Variants in FIGNL2 observed in about 807,000 individuals in gnomAD.
FIGNL2 encodes fidgetin-like protein 2.
For missense variants in FIGNL2, 1,060 were observed against 950.2 expected (o/e 1.12, Z -1.52); for synonymous variants, 565 against 484.0 (o/e 1.17, Z -2.20).
chr12:51,828,402 G>C (rs1939388485), intron 1 of FIGNL2: 1 of 152,200 alleles, frequency 6.6e-6, no homozygotes, highest in African/African-American at 2.4e-5. Context: ...GTGAAGTGCT[G>C]CTGTGCACAT....
chr12:51,836,686 C>T (rs1334328075), intron 1 of FIGNL2, among the ~76,000 whole-genome samples: 1 of 152,178 alleles, frequency 6.6e-6, no homozygotes, highest in Non-Finnish European at 1.5e-5. Context: ...ATCCATTCAA[C>T]ACACATTGAA....
At chr12:51,844,419 G>T (rs902778352) in intron 1 of FIGNL2, among the ~76,000 whole-genome samples, 6 of 152,124 alleles carry the variant, frequency 3.9e-5, no homozygotes, top group Non-Finnish European at 7.4e-5. Context: ...GCACTCAGGG[G>T]GTTCGCACTG....
In FIGNL2 at chr12:51,822,375, C is replaced by A. The variant is rs760654286; in HGVS notation, c.39G>T (p.Gln13His). 6.2e-7 allele frequency: 1 copy of A among 1,613,724 alleles called. No homozygotes were observed. Among genetic ancestry groups the A allele is most frequent in the African/African-American group, 1.3e-5 (1 of 75,050 alleles). ...WTPEHAQPLN[Q>H]WPEQHLDVSS... ...AGACGTCCAGGTGCTGCTCTGGCCA[C>A]TGGTTGAGGGGCTGGGCGTGTTCTG... Residue 13 changes from glutamine (Q) to histidine (H), a missense_variant, in exon 2 of 2, where the codon CAG (glutamine) becomes CAT (histidine). Physicochemically the swap from Gln to His is conservative, Grantham distance 24 (BLOSUM62 0). Transcript: ENST00000618634.
chr12:51,831,706 C>A (rs1939473162), intron 1 of FIGNL2: 1 of 154,380 alleles, frequency 6.5e-6, no homozygotes, highest in Non-Finnish European at 1.5e-5. Flanking sequence ...GTGCACTGAT[C>A]CCACCCTCTT....
At chr12:51,839,378 T>C (rs571966798) in intron 1 of FIGNL2, among the ~76,000 whole-genome samples, 6 of 152,308 alleles carry the variant, frequency 3.9e-5, no homozygotes, top group African/African-American at 1.4e-4. Context: ...TCCACTCATC[T>C]AGCTGGCCAT....
chr12:51,841,584 C>G (rs927194531), intron 1 of FIGNL2: 3 of 152,238 alleles, frequency 2.0e-5, no homozygotes, highest in Admixed American at 2.0e-4. Flanking sequence ...CCCCAGCCCT[C>G]CTTTCTTGAA....
intron 1 of FIGNL2, among the ~76,000 whole-genome samples, chr12:51,835,802 CTTCT>C (rs1316450454): frequency 2.3e-5 from 3 of 130,620 alleles, no homozygotes; most frequent in Non-Finnish European, 3.4e-5. Context: ...CGGATCTAGA[CTTCT>C]TTTTTTTTTT....
Position 51,821,581 on chromosome 12 carries a change from T to C in FIGNL2, c.833A>G (p.Tyr278Cys). The change falls in exon 2 of 2, where the codon TAC (tyrosine) becomes TGC (cysteine). Residue 278 changes from tyrosine (Y) to cysteine (C), a missense_variant. By Grantham distance (194) the Tyr-to-Cys change is radical. Transcript: ENST00000618634. ...GGCGGGCTCGTACGCGTACTTGCGG[T>C]AGCGGCCCTCGGGCCCCTCGTCGGC... ...KAADEGPEGR[Y>C]RKYAYEPAKA... is the part of the protein sequence containing the mutation. 6.6e-7 allele frequency: 1 copy of C among 1,523,978 alleles called. No homozygotes were observed. The highest frequency in any genetic ancestry group is 8.7e-7 in the Non-Finnish European group (1 of 1,142,882). 94.4% of individuals were successfully genotyped at this position (1,523,978 alleles called of 1,614,324 possible). A position where few individuals can be genotyped will look rare whatever the true frequency, so the allele number is the denominator to read the frequency against.
At position 51,829,198 on chromosome 12, in the gene FIGNL2, C is replaced by T. The variant is rs566185423; in HGVS notation, c.-11-6774G>A. Among the ~76,000 whole-genome samples the T allele has an allele frequency of 5.3e-5, 8 of 152,376 alleles. No individual in the cohort carries two copies. In the South Asian group the frequency reaches 1.0e-3, roughly 20 times the overall value. On this transcript the variant is annotated intron_variant, in intron 1 of 1. Transcript: ENST00000618634. ...AGGCTGGAAGGGAGAATCCCATTGTCGGCCTCCCTTATGGAAATCTCATTT... is the reference window on the plus strand; with the variant it reads ...AGGCTGGAAGGGAGAATCCCATTGTTGGCCTCCCTTATGGAAATCTCATTT...
At chr12:51,843,371 T>C (rs532026247) in intron 1 of FIGNL2, among the ~76,000 whole-genome samples, 3 of 102,260 alleles carry the variant, frequency 2.9e-5, no homozygotes. Context: ...ACCCCGTCTC[T>C]ACTAAAAATA....
At chr12:51,823,474 C>G (rs1939269111) in intron 1 of FIGNL2, 2 of 152,198 alleles carry the variant, frequency 1.3e-5, no homozygotes, top group African/African-American at 4.8e-5. Flanking sequence ...TAATAAACAA[C>G]GTCCTTCTTG....
At chr12:51,844,337 C>T (rs7308478) in intron 1 of FIGNL2, among the ~76,000 whole-genome samples, 2,184 of 152,304 alleles carry the variant, frequency 0.014, 41 homozygotes, top group African/African-American at 0.051. Flanking sequence ...CCCACTCTGC[C>T]TCCAACCCTG....
chr12:51,848,097 A>ACC, intron 1 of FIGNL2: 2 of 975,826 alleles, frequency 2.0e-6, no homozygotes, highest in Non-Finnish European at 2.4e-6. Flanking sequence ...ACACACACAC[A>ACC]GGGGCCGCTG....
chr12:51,847,976 A>C, intron 1 of FIGNL2: 3 of 619,994 alleles, frequency 4.8e-6, no homozygotes, highest in Non-Finnish European at 6.0e-6. Flanking sequence ...AGACATGAAG[A>C]GGGTGGGTGT....
At chr12:51,839,684 C>G (rs754374700) in intron 1 of FIGNL2, among the ~76,000 whole-genome samples, 9 of 152,234 alleles carry the variant, frequency 5.9e-5, no homozygotes, top group Non-Finnish European at 8.8e-5. Flanking sequence ...TCCTGTCTCC[C>G]TCTTTGGTGC....
intron 1 of FIGNL2, among the ~76,000 whole-genome samples, chr12:51,839,773 C>T (rs540673091): frequency 1.3e-5 from 2 of 152,306 alleles, no homozygotes; most frequent in African/African-American, 4.8e-5. Context: ...TAACTGGGTT[C>T]CCATTCCCTC....
Position 51,821,075 on chromosome 12 carries a change from T to A in FIGNL2, c.1339A>T (p.Thr447Ser). Residue 447 changes from threonine to serine, a missense_variant, in exon 2 of 2, where the codon ACG becomes TCG. By Grantham distance (58) the Thr-to-Ser change is moderately conservative. Transcript: ENST00000618634. ...GKALLGRCLA[T>S]QLGATLLRLR... ...CGCAACAGCGTGGCGCCCAGCTGCG[T>A]GGCGAGGCAGCGGCCCAGCAGCGCT... The A allele has an allele frequency of 7.8e-7, 1 of 1,288,876 alleles. No individual in the cohort carries two copies. Among genetic ancestry groups the A allele is most frequent in the Non-Finnish European group, 9.8e-7 (1 of 1,022,838 alleles). The allele number at this position is 1,288,876 out of a possible 1,614,324, so 79.8% of individuals were successfully genotyped here.
chr12:51,848,508 C>A (rs1357434033), intron 1 of FIGNL2, 32 bp downstream of exon 1: 2 of 983,844 alleles, frequency 2.0e-6, no homozygotes, highest in Non-Finnish European at 2.4e-6. Context: ...CACCTCCCCC[C>A]GCCCCATCCC....
chr12:51,820,920 G>T lies in FIGNL2; in HGVS notation c.1494C>A (p.Pro498=). Residue 498 remains proline, a synonymous_variant, in exon 2 of 2, where the codon CCC becomes CCA. Coordinates refer to ENST00000618634, the MANE Select transcript of FIGNL2 (RefSeq NM_001384995.1). Reference sequence around the variant, plus strand: ...CTGCCGCCGCGCCGTCGTCCCGGGCGGGGAGCAGCGCCTCTAGCTCGCTGA... The same window carrying T: ...CTGCCGCCGCGCCGTCGTCCCGGGCTGGGAGCAGCGCCTCTAGCTCGCTGA... ...LLISELEALL[P]ARDDGAAAGG... is the part of the protein sequence containing the mutation. The T allele has an allele frequency of 3.8e-6, 5 of 1,324,712 alleles. No individual in the cohort carries two copies. Among genetic ancestry groups the T allele is most frequent in the Non-Finnish European group, 4.8e-6 (5 of 1,045,548 alleles). 82.1% of individuals were successfully genotyped at this position (1,324,712 alleles called of 1,614,324 possible).
Sources: gnomAD v4.1 joint callset for allele counts (sites outside exome capture counted in the v4.1 genomes callset) on GRCh38, gnomAD v4.1.1 for gene constraint, MANE v1.5 for transcripts, NCBI Gene and HGNC (gene_info 2026-07-23, HGNC 2026-07-21) for gene names.